The following TCF4 variants were observed in gnomAD, a reference collection of about 807,000 sequenced individuals.
TCF4 encodes the protein SL3-3 enhancer factor 2.
In TCF4, 3 loss-of-function variants were observed where a neutral mutation model predicts 82.1. That is an observed-to-expected ratio of 0.04 (90% confidence interval 0.02 to 0.09). The LOEUF is 0.09. Among genes scored for constraint, TCF4 ranks in the 10% least tolerant of loss-of-function variants. The pLI is 1.00. For missense variants in TCF4, 518 were observed against 852.7 expected, an observed-to-expected ratio of 0.61 and a Z score of 4.89; for synonymous variants, 276 against 309.6, an observed-to-expected ratio of 0.89 and a Z score of 1.14.
chr18:55,429,191 A>G (rs2095097546), intron 5 of TCF4, among the ~76,000 whole-genome samples: 1 of 152,180 alleles, frequency 6.6e-6, no homozygotes, highest in African/African-American at 2.4e-5. Flanking sequence ...AAAGTGAAAA[A>G]AACCTCACCT....
chr18:55,479,073 T>C (rs1323832904), intron 3 of TCF4: 2 of 152,044 alleles, frequency 1.3e-5, no homozygotes, highest in African/African-American at 2.4e-5. Context: ...CCTCAAACAT[T>C]GCAAGTTTCA....
chr18:55,350,766 T>G (rs1443957500), intron 7 of TCF4, 108 bp downstream of exon 7: 1 of 1,524,282 alleles, frequency 6.6e-7, no homozygotes. Context: ...AATTTTATGG[T>G]TTTCTTGGGG....
chr18:55,633,238 T>C lies in TCF4; in HGVS notation c.196-1850A>G, dbSNP rs112780067. ...CAAGTCAGCAAGTTCCTCTAAAGGA[T>C]TGACCAAGCCTGCAGTATCAGCTTC... On this transcript the variant is annotated intron_variant, in intron 1 of 20. Coordinates refer to the TCF4 transcript ENST00000398339. The surrounding 1 kb of genome is among the most constrained non-coding windows in gnomAD (Gnocchi z 4.0). 1.9e-4 allele frequency among the ~76,000 whole-genome samples: 29 copies of C among 152,294 alleles called. No individual in the cohort carries two copies. The highest frequency in any genetic ancestry group is 8.3e-4 in the South Asian group (4 of 4,824).
intron 5 of TCF4, among the ~76,000 whole-genome samples, chr18:55,415,605 A>G (rs188372295): frequency 6.6e-6 from 1 of 152,194 alleles, no homozygotes; most frequent in Non-Finnish European, 1.5e-5. Context: ...AACGTGCTCA[A>G]TTTAGGATCA....
At chr18:55,367,533 G>A (rs1349060626) in intron 6 of TCF4, among the ~76,000 whole-genome samples, 1 of 152,226 alleles carries the variant, frequency 6.6e-6, no homozygotes, top group Non-Finnish European at 1.5e-5. Flanking sequence ...TGCCTATGAT[G>A]TCTTTAGAGG....
At chr18:55,339,567 C>T (rs2079377736) in intron 8 of TCF4, among the ~76,000 whole-genome samples, 1 of 152,166 alleles carries the variant, frequency 6.6e-6, no homozygotes, top group Non-Finnish European at 1.5e-5. Context: ...CATCAGCCAA[C>T]AGGGACTTTT....
chr18:55,589,791 G>C, upstream of TCF4: 1 of 1,009,966 alleles, frequency 9.9e-7, no homozygotes, highest in Non-Finnish European at 1.2e-6. Context: ...TCACATCCGG[G>C]AACTGCGGGC....
In TCF4 at chr18:55,228,309, C is replaced by T. The variant is rs773310534; in HGVS notation, c.1932G>A (p.Lys644=). ...AGAGAGGGGGAGGCTCTGAGGACAC[C>T]TTCTCTTCCTCCCTTCTTTTCAGAC... ...AACLKRREEE[K]VSSEPPPLSL... The change falls in exon 19 of 20, where the codon AAG becomes AAA. Residue 644 remains lysine, a synonymous_variant. Coordinates refer to ENST00000354452, the MANE Select transcript of TCF4 (RefSeq NM_001083962.2). 1 of 1,614,170 alleles carries T rather than the reference C, an allele frequency of 6.2e-7. No homozygotes were observed. The highest frequency in any genetic ancestry group is 2.2e-5 in the East Asian group (1 of 44,874).
At chr18:55,591,810 C>T (rs1441266841), upstream of TCF4, among the ~76,000 whole-genome samples, 2 of 152,184 alleles carry the variant, frequency 1.3e-5, no homozygotes, top group Non-Finnish European at 2.9e-5. Flanking sequence ...AGCCACTGCA[C>T]CCAGCCCCCT....
chr18:55,511,331 TA>T (rs59685050), intron 3 of TCF4, among the ~76,000 whole-genome samples: 6 of 131,400 alleles, frequency 4.6e-5, no homozygotes, highest in Non-Finnish European at 6.3e-5. Context: ...TCCAAAAGTT[TA>T]AAAAAAAAAA....
chr18:55,633,894 AAACAAC>A lies in TCF4; in HGVS notation c.195+1803_195+1808del, dbSNP rs71169310. 6.3e-4 allele frequency among the ~76,000 whole-genome samples: 95 copies of A among 150,636 alleles called. 1 individual carries two copies. The highest frequency in any genetic ancestry group is 3.4e-3 in the Middle Eastern group (1 of 290). On this transcript the variant is annotated intron_variant, in intron 1 of 20. Transcript: ENST00000398339. The surrounding 1 kb of genome is among the most constrained non-coding windows in gnomAD (Gnocchi z 4.0). ...ACCAAACCAAAACAAAAAAGGCACAAAACAACAACAACAACAACAACAACAACAACA... is the reference window on the plus strand; with the variant it reads ...ACCAAACCAAAACAAAAAAGGCACAAAACAACAACAACAACAACAACAACA...
At chr18:55,294,160 T>C (rs2065882600) in intron 8 of TCF4, among the ~76,000 whole-genome samples, 1 of 151,082 alleles carries the variant, frequency 6.6e-6, no homozygotes, top group African/African-American at 2.4e-5. Flanking sequence ...CTTGGGGGGC[T>C]GAGGCATGAG....
chr18:55,577,392 G>A (rs2097540252), intron 3 of TCF4, among the ~76,000 whole-genome samples: 1 of 151,190 alleles, frequency 6.6e-6, no homozygotes, highest in Admixed American at 6.6e-5. Context: ...AACCCAAGGG[G>A]ACAAACTGAA....
intron 3 of TCF4, among the ~76,000 whole-genome samples, chr18:55,494,270 C>T (rs561742603): frequency 3.0e-4 from 44 of 144,442 alleles, no homozygotes; most frequent in African/African-American, 9.6e-4. Context: ...AAAGTAACCA[C>T]AAACTGTACA....
intron 5 of TCF4, among the ~76,000 whole-genome samples, chr18:55,449,850 G>T (rs1357964154): frequency 1.3e-5 from 2 of 151,838 alleles, no homozygotes; most frequent in Admixed American, 6.5e-5. Flanking sequence ...GCTTTAATAT[G>T]GCCCACGAGG....
intron 3 of TCF4, among the ~76,000 whole-genome samples, chr18:55,564,082 G>A (rs10503004): frequency 0.029 from 4,486 of 152,290 alleles, 223 homozygotes; most frequent in African/African-American, 0.1. Context: ...GAAAGTCGCC[G>A]TGAGAAAGTG....
intron 2 of TCF4, among the ~76,000 whole-genome samples, chr18:55,627,319 C>T (rs1387265985): frequency 6.6e-6 from 1 of 152,056 alleles, no homozygotes; most frequent in Non-Finnish European, 1.5e-5. Flanking sequence ...CCATAGAATT[C>T]CTGGGAATGC....
At chr18:55,277,411 C>G (rs914848997) in intron 9 of TCF4, among the ~76,000 whole-genome samples, 1 of 152,072 alleles carries the variant, frequency 6.6e-6, no homozygotes, top group African/African-American at 2.4e-5. Context: ...GGTGGCAATG[C>G]GTTTAGGACT....
At chr18:55,370,839 T>A (rs2088912371) in intron 6 of TCF4, among the ~76,000 whole-genome samples, 1 of 152,102 alleles carries the variant, frequency 6.6e-6, no homozygotes, top group African/African-American at 2.4e-5. Context: ...AGTAGGGAAA[T>A]AATGAACAGA....
Sources: gnomAD v4.1 joint callset for allele counts (sites outside exome capture counted in the v4.1 genomes callset) on GRCh38, gnomAD v4.1.1 for gene constraint, Gnocchi (gnomAD v3.1) non-coding constraint, MANE v1.5 for transcripts, NCBI Gene and HGNC (gene_info 2026-07-23, HGNC 2026-07-21) for gene names.